Variants in NR1D1 observed in about 807,000 individuals in gnomAD.
NR1D1 encodes Rev-ErbAalpha.
A neutral mutation model predicts 51.1 loss-of-function variants in NR1D1; 17 were observed. The observed-to-expected ratio is 0.33, with a 90% confidence interval of 0.23 to 0.50. The LOEUF (loss-of-function observed/expected upper bound fraction) is 0.50, where lower values mean the gene tolerates loss of function less well. Ranked by LOEUF, NR1D1 falls within the 20% of genes least tolerant of loss-of-function variation. The pLI, the probability that NR1D1 is intolerant of heterozygous loss-of-function variation, is 0.98. For missense variants in NR1D1, 647 were observed against 830.4 expected, an observed-to-expected ratio of 0.78 and a Z score of 2.71; for synonymous variants, 341 against 333.4, an observed-to-expected ratio of 1.02 and a Z score of -0.25.
At position 40,096,756 on chromosome 17, in the gene NR1D1, A is replaced by G. The variant is rs1987771781; in HGVS notation, c.394T>C (p.Cys132Arg). 6.2e-7 allele frequency: 1 copy of G among 1,614,042 alleles called. No homozygotes were observed. Among genetic ancestry groups the G allele is most frequent in the Admixed American group, 1.7e-5 (1 of 60,006 alleles). ...GAGGCAACGTCCCCACACACTTTAC[A>G]CAGTAACACCATGCCATTCAGCTCT... is the stretch of plus-strand genomic sequence containing the variant. ...ITKLNGMVLL[C>R]KVCGDVASGF... is the part of the protein sequence containing the mutation. The change falls in exon 3 of 8, where the codon TGT becomes CGT. Residue 132 changes from cysteine (C) to arginine (R), a missense_variant. Cys to Arg is a radical substitution (Grantham distance 180). Coordinates refer to ENST00000246672, the MANE Select transcript of NR1D1 (RefSeq NM_021724.5).
chr17:40,093,134 C>G lies in NR1D1; in HGVS notation c.1794G>C (p.Leu598=), dbSNP rs1322229944. ...LLLKLPDLRT[L]NNMHSEKLLS... Reference sequence around the variant, plus strand: ...GCAGCTTCTCGGAATGCATGTTGTTCAGGGTCCGCAGGTCCGGCAGCTTGA... The same window carrying G: ...GCAGCTTCTCGGAATGCATGTTGTTGAGGGTCCGCAGGTCCGGCAGCTTGA... Residue 598 remains leucine (L), a synonymous_variant, in exon 8 of 8, where the codon CTG becomes CTC. Coordinates refer to ENST00000246672, the MANE Select transcript of NR1D1 (RefSeq NM_021724.5). This position sits in a 1 kb window ranked among gnomAD's most constrained non-coding sequence, Gnocchi z 5.9. 1 of 1,614,066 alleles carries G rather than the reference C, an allele frequency of 6.2e-7. No individual in the cohort carries two copies. Among genetic ancestry groups the G allele is most frequent in the Non-Finnish European group, 8.5e-7 (1 of 1,180,026 alleles).
Position 40,095,522 on chromosome 17 carries a change from G to A in NR1D1, c.1170C>T (p.Pro390=), listed in dbSNP as rs201826396. Residue 390 remains proline, a synonymous_variant, in exon 5 of 8, where the codon CCC becomes CCT. Coordinates refer to ENST00000246672, the MANE Select transcript of NR1D1 (RefSeq NM_021724.5). ...QSNSNGHRLC[P]THVYAAPEGK... ...CTTCTGGGGCTGCATACACGTGGGT[G>A]GGGCATAGACGGTGCCCGTTGCTGT... 67 of 1,587,136 alleles carry A rather than the reference G, an allele frequency of 4.2e-5. No homozygotes were observed. Among genetic ancestry groups the A allele is most frequent in the Non-Finnish European group, 4.6e-5 (54 of 1,165,372 alleles).
Position 40,095,114 on chromosome 17 carries a change from G to C in NR1D1, c.1255C>G (p.Pro419Ala). ...CGTCCATGCGGGTACATGTTCATAG[G>C]ACATGCCTGGGGGAGGAAAAGATTG... is the stretch of plus-strand genomic sequence containing the variant. ...GNSKNVLLAC[P>A]MNMYPHGRSG... Residue 419 changes from proline (P) to alanine (A), a missense_variant, in exon 6 of 8, where the codon CCT becomes GCT. Pro to Ala is a conservative substitution (Grantham distance 27). Transcript: ENST00000246672. The C allele has an allele frequency of 6.2e-7, 1 of 1,607,672 alleles. No homozygotes were observed. The highest frequency in any genetic ancestry group is 8.5e-7 in the Non-Finnish European group (1 of 1,176,064).
rs1284114764 is a variant in NR1D1 at position 40,093,900 on chromosome 17, A to AGCCTGACCTACCT, written c.1644_1645+11dup. 2 of 1,607,650 alleles carry AGCCTGACCTACCT rather than the reference A, an allele frequency of 1.2e-6. No individual in the cohort carries two copies. Among genetic ancestry groups the AGCCTGACCTACCT allele is most frequent in the Non-Finnish European group, 8.5e-7 (1 of 1,177,782 alleles). Reference sequence around the variant, plus strand: ...TGCCTCCTCCCCCGGGTCAGGCGAGAGCCTGACCTACCTGCAGAGACAAGC... The same window carrying AGCCTGACCTACCT: ...TGCCTCCTCCCCCGGGTCAGGCGAGAGCCTGACCTACCTGCCTGACCTACCTGCAGAGACAAGC... On this transcript the variant is annotated intron_variant, in intron 7 of 7. Transcript: ENST00000246672. This position sits in a 1 kb window ranked among gnomAD's most constrained non-coding sequence, Gnocchi z 5.9.
At position 40,095,704 on chromosome 17, in the gene NR1D1, G is replaced by A. The variant is rs142637870; in HGVS notation, c.988C>T (p.Arg330Cys). The change falls in exon 5 of 8, where the codon CGC becomes TGC. Residue 330 changes from arginine to cysteine, a missense_variant. By Grantham distance (180) the Arg-to-Cys change is radical. Around this residue, in one of 7 missense-constraint regions of NR1D1, gnomAD observed 185 missense variants for 176.3 expected, o/e 1.05. Transcript: ENST00000246672. ...GGTGGGCAGCCCTGATTTTCCCAGC[G>A]ATGTGGGGTGGTGGCTGGAGGGCTA... ...SGSPPATTPH[R>C]WENQGCPPAP... is the part of the protein sequence containing the mutation. 16 of 1,613,270 alleles carry A rather than the reference G, an allele frequency of 9.9e-6. No homozygotes were observed. The highest frequency in any genetic ancestry group is 3.3e-5 in the Admixed American group (2 of 59,960).
intron 1 of NR1D1, among the ~76,000 whole-genome samples, chr17:40,098,800 G>T (rs1987814331): frequency 6.6e-6 from 1 of 152,204 alleles, no homozygotes; most frequent in African/African-American, 2.4e-5. Flanking sequence ...GTAAGACAAT[G>T]CTCGCAGAAC....
In NR1D1 at chr17:40,100,508, G is replaced by A. The variant is rs200327657; in HGVS notation, c.-414C>T. On this transcript the variant is annotated 5_prime_UTR_variant, in exon 1 of 8. Transcript: ENST00000246672. ...GGTTGCAACCAGGAAGTAAGTAGGTGATGGGGAGAAACGGGGCACCGAGTC... is the reference window on the plus strand; with the variant it reads ...GGTTGCAACCAGGAAGTAAGTAGGTAATGGGGAGAAACGGGGCACCGAGTC... The A allele has an allele frequency of 2.2e-6, 1 of 451,008 alleles. No homozygotes were observed. Among genetic ancestry groups the A allele is most frequent in the Non-Finnish European group, 3.9e-6 (1 of 254,832 alleles). 27.9% of individuals were successfully genotyped at this position (451,008 alleles called of 1,614,324 possible).
chr17:40,096,715 A>C lies in NR1D1; in HGVS notation c.435T>G (p.Gly145=). Residue 145 remains glycine (G), a synonymous_variant, in exon 3 of 8, where the codon GGT becomes GGG. Coordinates refer to ENST00000246672, the MANE Select transcript of NR1D1 (RefSeq NM_021724.5). ...CGDVASGFHY[G]VHACEGCKGF... ...CCTTGCAGCCCTCGCAGGCGTGCAC[A>C]CCGTAGTGGAAGCCCGAGGCAACGT... is the stretch of plus-strand genomic sequence containing the variant. 1 of 1,614,144 alleles carries C rather than the reference A, an allele frequency of 6.2e-7. No homozygotes were observed. The highest frequency in any genetic ancestry group is 1.1e-5 in the South Asian group (1 of 91,080).
chr17:40,093,343 G>T lies in NR1D1; in HGVS notation c.1646-61C>A, dbSNP rs1413735828. 4.3e-6 allele frequency: 7 copies of T among 1,612,932 alleles called. 1 individual carries two copies. The South Asian group carries it at 7.7e-5, about 18-fold the overall frequency. On this transcript the variant is annotated intron_variant, in intron 7 of 7. Transcript: ENST00000246672. The surrounding 1 kb of genome is among the most constrained non-coding windows in gnomAD (Gnocchi z 5.9). ...CGAGCTCCTCTGAGGAGGAACCGGA[G>T]GTCTGCGAGGACCTGGCAGGCAATG...
chr17:40,100,164 T>C lies in NR1D1; in HGVS notation c.-70A>G. On this transcript the variant is annotated 5_prime_UTR_variant, in exon 1 of 8. Transcript: ENST00000246672. ...AAACTAGAGGTTGCGATCGCCGCTG[T>C]TGCCCCCTGGGCACTGGCTAAGGGC... is the stretch of plus-strand genomic sequence containing the variant. 7.9e-7 allele frequency: 1 copy of C among 1,265,486 alleles called. No homozygotes were observed. Among genetic ancestry groups the C allele is most frequent in the South Asian group, 1.2e-5 (1 of 83,668 alleles). The allele number at this position is 1,265,486 out of a possible 1,614,324, so 78.4% of individuals were successfully genotyped here.
At position 40,098,939 on chromosome 17, in the gene NR1D1, C is replaced by G. The variant is rs144653198; in HGVS notation, c.31+1125G>C. On this transcript the variant is annotated intron_variant, in intron 1 of 7. Coordinates refer to ENST00000246672, the MANE Select transcript of NR1D1 (RefSeq NM_021724.5). ...TGAGAAGGGTGGTTAGGGGTGAGGT[C>G]TCTTTAGGGAGTGTAAAACAGAAGG... 6.6e-4 allele frequency among the ~76,000 whole-genome samples: 101 copies of G among 151,934 alleles called. 3 individuals are homozygous for G. In the East Asian group the frequency reaches 0.02, roughly 29 times the overall value.
rs1367504710 is a variant in NR1D1 at position 40,096,085 on chromosome 17, C to T, written c.607G>A (p.Val203Met). 1.2e-6 allele frequency: 2 copies of T among 1,611,896 alleles called. No individual in the cohort carries two copies. The highest frequency in any genetic ancestry group is 1.7e-6 in the Non-Finnish European group (2 of 1,179,512). ...CLSVGMSRDA[V>M]RFGRIPKREK... ...CGTTTGGGGATGCGCCCAAAACGCACAGCTGCAACAGGATGAGAACAGCAT... is the reference window on the plus strand; with the variant it reads ...CGTTTGGGGATGCGCCCAAAACGCATAGCTGCAACAGGATGAGAACAGCAT... The change falls in exon 5 of 8, where the codon GTG becomes ATG. Residue 203 changes from valine (V) to methionine (M), a missense_variant and splice_region_variant. By Grantham distance (21) the Val-to-Met change is conservative. Around this residue, in one of 7 missense-constraint regions of NR1D1, gnomAD observed 70 missense variants for 134.8 expected, o/e 0.52. Coordinates refer to ENST00000246672, the MANE Select transcript of NR1D1 (RefSeq NM_021724.5).
At chr17:40,100,039 G>A (rs749152895) in intron 1 of NR1D1, 25 bp downstream of exon 1, 2 of 1,568,560 alleles carry the variant, frequency 1.3e-6, no homozygotes, top group Admixed American at 1.7e-5. Context: ...ACAGGGAAAA[G>A]ATGATAGTAA....
At chr17:40,094,877 G>C (rs577718218) in intron 6 of NR1D1, 58 bp downstream of exon 6, 3 of 1,556,644 alleles carry the variant, frequency 1.9e-6, no homozygotes, top group Non-Finnish European at 2.6e-6. Flanking sequence ...CAGCCTGGGC[G>C]ACAAGCGAAA....
rs201684407 is a variant in NR1D1, at chr17:40,093,234, G to A, written c.1694C>T (p.Thr565Met). ...CAGAGCCCGAAGAGCCCGCAGCAGC[G>A]TCTCCTGGAGCTGCTCCACCGAAGC... ...NSASVEQLQE[T>M]LLRALRALVL... The change falls in exon 8 of 8, where the codon ACG becomes ATG. Residue 565 changes from threonine (T) to methionine (M), a missense_variant. By Grantham distance (81) the Thr-to-Met change is moderately conservative. Transcript: ENST00000246672. The surrounding 1 kb of genome is among the most constrained non-coding windows in gnomAD (Gnocchi z 5.9). The A allele has an allele frequency of 3.3e-5, 54 of 1,613,570 alleles. 1 individual carries two copies. In the Middle Eastern group the frequency reaches 6.6e-4, roughly 20 times the overall value.
At position 40,092,890 on chromosome 17, in the gene NR1D1, G is replaced by T; in HGVS notation, c.*193C>A. The T allele has an allele frequency of 7.5e-7, 1 of 1,337,214 alleles. No homozygotes were observed. The highest frequency in any genetic ancestry group is 1.5e-5 in the African/African-American group (1 of 67,686). The allele number at this position is 1,337,214 out of a possible 1,614,324, so 82.8% of individuals were successfully genotyped here. A position where few individuals can be genotyped will look rare whatever the true frequency, so the allele number is the denominator to read the frequency against. On this transcript the variant is annotated 3_prime_UTR_variant, in exon 8 of 8. Transcript: ENST00000246672. ...CAGAGTGGTTTAAATAGGGGAGGAG[G>T]GGAAGTTCGGTGATGGGGGAGGGAG...
chr17:40,092,904 T>C lies in NR1D1; in HGVS notation c.*179A>G. On this transcript the variant is annotated 3_prime_UTR_variant, in exon 8 of 8. Coordinates refer to ENST00000246672, the MANE Select transcript of NR1D1 (RefSeq NM_021724.5). The stretch of plus-strand genomic sequence containing the variant: ...TAGGGGAGGAGGGGAAGTTCGGTGA[T>C]GGGGGAGGGAGGCAGGTATTTACAA... The C allele has an allele frequency of 2.8e-6, 4 of 1,407,894 alleles. No individual in the cohort carries two copies. The highest frequency in any genetic ancestry group is 3.8e-6 in the Non-Finnish European group (4 of 1,054,170). The allele number at this position is 1,407,894 out of a possible 1,614,324, so 87.2% of individuals were successfully genotyped here. A position where few individuals can be genotyped will look rare whatever the true frequency, so the allele number is the denominator to read the frequency against.
intron 5 of NR1D1, 112 bp downstream of exon 5, chr17:40,095,332 A>C (rs1372360653): frequency 1.5e-6 from 2 of 1,348,948 alleles, no homozygotes; most frequent in Non-Finnish European, 1.0e-6. Context: ...TCTCCTGGGA[A>C]GATGCTATCC....
In NR1D1 at chr17:40,095,657, G is replaced by A; in HGVS notation, c.1035C>T (p.Thr345=). Residue 345 remains threonine (T), a synonymous_variant, in exon 5 of 8, where the codon ACC becomes ACT. Coordinates refer to ENST00000246672, the MANE Select transcript of NR1D1 (RefSeq NM_021724.5). ...GCPPAPNDNN[T]LAAQRHNEAL... is the part of the protein sequence containing the mutation. The stretch of plus-strand genomic sequence containing the variant: ...CCTCGTTATGACGCTGGGCAGCCAA[G>A]GTGTTGTTGTCATTGGGGGCAGGTG... 3.1e-6 allele frequency: 5 copies of A among 1,612,448 alleles called. No homozygotes were observed. Among genetic ancestry groups the A allele is most frequent in the Non-Finnish European group, 4.2e-6 (5 of 1,178,868 alleles).
Sources: gnomAD v4.1 joint callset for allele counts (sites outside exome capture counted in the v4.1 genomes callset) on GRCh38, gnomAD v4.1.1 for gene constraint, gnomAD v4.1.1 regional missense constraint, Gnocchi (gnomAD v3.1) non-coding constraint, MANE v1.5 for transcripts, NCBI Gene and HGNC (gene_info 2026-07-23, HGNC 2026-07-21) for gene names.